SCHIP1: variants seen among roughly 807,000 people sequenced by gnomAD.
SCHIP1 encodes the protein schwannomin interacting protein 1.
SCHIP1 carries 8 observed loss-of-function variants against 29.7 expected under a neutral mutation model. The ratio of observed to expected loss-of-function variants is 0.27; its 90% CI spans 0.16 to 0.49. The LOEUF (loss-of-function observed/expected upper bound fraction) is 0.49. Among genes scored for constraint, SCHIP1 ranks in the 20% least tolerant of loss-of-function variants. The pLI, the probability that SCHIP1 is intolerant of heterozygous loss-of-function variation, is 0.99. For missense variants in SCHIP1, 193 were observed against 294.6 expected (o/e 0.66, Z 2.52); for synonymous variants, 76 against 94.9 (o/e 0.80, Z 1.16).
At chr3:159,708,854 C>T in the SCHIP1 span, among the ~76,000 whole-genome samples, 1 of 152,178 alleles carries the variant, frequency 6.6e-6, no homozygotes, top group South Asian at 2.1e-4. Context: ...GCTAATGTAG[C>T]CAGTGCCCTA....
upstream of SCHIP1, among the ~76,000 whole-genome samples, chr3:159,835,814 G>A (rs557302273): frequency 1.3e-4 from 20 of 152,030 alleles, no homozygotes; most frequent in Non-Finnish European, 2.2e-4. Flanking sequence ...CTGTATGCTC[G>A]ATGGCCTGAG....
chr3:159,464,206 C>T, the SCHIP1 span, among the ~76,000 whole-genome samples: 1 of 152,258 alleles, frequency 6.6e-6, no homozygotes, highest in African/African-American at 2.4e-5. Context: ...TTTGTGGCCT[C>T]GTTTCCTACT....
At chr3:159,567,349 G>A in the SCHIP1 span, among the ~76,000 whole-genome samples, 2 of 152,024 alleles carry the variant, frequency 1.3e-5, no homozygotes, top group Non-Finnish European at 2.9e-5. Flanking sequence ...TATCAAATTT[G>A]TTTATCTTTT....
At chr3:159,369,900 A>C in the SCHIP1 span, among the ~76,000 whole-genome samples, 4 of 152,214 alleles carry the variant, frequency 2.6e-5, no homozygotes, top group African/African-American at 7.2e-5. Flanking sequence ...AAAAGGAAAC[A>C]ATCATTCTTT....
the SCHIP1 span, among the ~76,000 whole-genome samples, chr3:159,713,233 G>GA: frequency 8.0e-6 from 1 of 124,538 alleles, no homozygotes; most frequent in South Asian, 2.9e-4. Flanking sequence ...AGAAAGAAAG[G>GA]AAGAAAGAAA....
chr3:159,627,024 C>T, the SCHIP1 span, among the ~76,000 whole-genome samples: 1 of 152,098 alleles, frequency 6.6e-6, no homozygotes, highest in Non-Finnish European at 1.5e-5. Flanking sequence ...TAATGCTCTC[C>T]CTCCCTTTGC....
the SCHIP1 span, among the ~76,000 whole-genome samples, chr3:159,392,676 T>A: frequency 6.6e-6 from 1 of 151,926 alleles, no homozygotes; most frequent in Admixed American, 6.6e-5. Flanking sequence ...TATTCCATGG[T>A]GTATATGTGC....
chr3:159,824,349 G>A, the SCHIP1 span, among the ~76,000 whole-genome samples: 1 of 152,196 alleles, frequency 6.6e-6, no homozygotes, highest in East Asian at 1.9e-4. Context: ...TCCAAGAGGT[G>A]TAGCCTTGAG....
chr3:159,392,604 T>C, the SCHIP1 span, among the ~76,000 whole-genome samples: 11 of 152,164 alleles, frequency 7.2e-5, no homozygotes, highest in African/African-American at 2.4e-4. Flanking sequence ...AGAATGATGA[T>C]TTCCAATTTC....
At chr3:159,712,704 A>G in the SCHIP1 span, among the ~76,000 whole-genome samples, 1 of 151,688 alleles carries the variant, frequency 6.6e-6, no homozygotes, top group East Asian at 1.9e-4. Flanking sequence ...TGATGGAAAA[A>G]GGAAAGGAAA....
chr3:159,418,951 A>C, the SCHIP1 span, among the ~76,000 whole-genome samples: 1 of 152,210 alleles, frequency 6.6e-6, no homozygotes, highest in African/African-American at 2.4e-5. Flanking sequence ...GTGTGGGTTT[A>C]AGTATGCTAT....
the SCHIP1 span, among the ~76,000 whole-genome samples, chr3:159,426,433 G>C: frequency 2.6e-5 from 4 of 152,274 alleles, no homozygotes; most frequent in East Asian, 7.7e-4. Flanking sequence ...AGAAAATCTA[G>C]AAGAAATGGA....
chr3:159,763,904 C>G, the SCHIP1 span: 1 of 151,854 alleles, frequency 6.6e-6, no homozygotes, highest in Non-Finnish European at 1.5e-5. Context: ...AAGCTCAGCT[C>G]GCGCGCGGAC....
At chr3:159,443,738 AC>A in the SCHIP1 span, among the ~76,000 whole-genome samples, 1 of 151,988 alleles carries the variant, frequency 6.6e-6, no homozygotes, top group Admixed American at 6.6e-5. Context: ...TGATCTCTTG[AC>A]CTCGTGATCT....
At chr3:159,878,232 C>T (rs981581374) in intron 2 of SCHIP1, among the ~76,000 whole-genome samples, 1 of 152,182 alleles carries the variant, frequency 6.6e-6, no homozygotes, top group African/African-American at 2.4e-5. Flanking sequence ...AATCCCAGCA[C>T]TTTGGGAGGC....
the SCHIP1 span, among the ~76,000 whole-genome samples, chr3:159,408,864 TAAAC>T: frequency 1.8e-4 from 27 of 152,266 alleles, no homozygotes; most frequent in African/African-American, 6.5e-4. Flanking sequence ...ATACCCCTGA[TAAAC>T]ATTGATGGAA....
the SCHIP1 span, among the ~76,000 whole-genome samples, chr3:159,563,195 A>AC: frequency 3.3e-5 from 5 of 152,114 alleles, no homozygotes; most frequent in African/African-American, 1.2e-4. Context: ...TGAAGATCAG[A>AC]CCCCTATGAA....
the SCHIP1 span, among the ~76,000 whole-genome samples, chr3:159,592,179 A>G: frequency 2.6e-5 from 4 of 152,080 alleles, no homozygotes; most frequent in South Asian, 8.3e-4. Flanking sequence ...ACTGAACTGA[A>G]ATGGGATCTT....
At chr3:159,494,557 G>T in the SCHIP1 span, among the ~76,000 whole-genome samples, 1,214 of 152,308 alleles carry the variant, frequency 8.0e-3, 21 homozygotes, top group African/African-American at 0.027. Context: ...AAACCAGGAA[G>T]AATTTGAATC....
Sources: allele counts gnomAD v4.1 joint callset (sites outside exome capture counted in the v4.1 genomes callset), GRCh38; gene constraint gnomAD v4.1.1; transcripts MANE v1.5; gene names NCBI Gene and HGNC (gene_info 2026-07-23, HGNC 2026-07-21).